CHODL: variants seen among roughly 807,000 people sequenced by gnomAD.
CHODL encodes chondrolectin.
In CHODL, 29 loss-of-function variants were observed where a neutral mutation model predicts 34.5. The ratio of observed to expected loss-of-function variants is 0.84; its 90% CI spans 0.63 to 1.15. CHODL has a LOEUF of 1.15. CHODL is among the 50% of genes most tolerant of loss of function. The pLI, the probability that CHODL is intolerant of heterozygous loss-of-function variation, is 0.00. For synonymous variants in CHODL, 125 were observed against 116.1 expected (o/e 1.08, Z -0.49); for missense variants, 332 against 332.5 (o/e 1.00, Z 0.01).
intron 1 of CHODL, among the ~76,000 whole-genome samples, chr21:17,965,552 C>T (rs972468020): frequency 3.3e-5 from 5 of 152,216 alleles, no homozygotes; most frequent in African/African-American, 1.2e-4. Flanking sequence ...TGCTCCATTA[C>T]AATAAATTGC....
chr21:17,932,568 A>G (rs2146321468), intron 1 of CHODL, among the ~76,000 whole-genome samples: 1 of 150,566 alleles, frequency 6.6e-6, no homozygotes, highest in East Asian at 2.0e-4. Context: ...AGTGTCCATC[A>G]ATGAATGATT....
intron 2 of CHODL, among the ~76,000 whole-genome samples, chr21:18,185,445 C>T (rs1311936031): frequency 6.6e-6 from 1 of 152,124 alleles, no homozygotes; most frequent in Non-Finnish European, 1.5e-5. Context: ...GGGTTGGGTC[C>T]AAGTCTTTTC....
At chr21:18,096,276 G>A (rs1411006963) in intron 2 of CHODL, among the ~76,000 whole-genome samples, 1 of 152,070 alleles carries the variant, frequency 6.6e-6, no homozygotes, top group African/African-American at 2.4e-5. Flanking sequence ...CAAATTGTTT[G>A]TAAAACGTGT....
chr21:18,178,872 T>C lies in CHODL; in HGVS notation c.-44-77637T>C, dbSNP rs549242344. ...TAGTCATGTATGTTAGAAAGTGTTG[T>C]GGTTATCAATTGTTTTTGTTACTGT... is the stretch of plus-strand genomic sequence containing the variant. On this transcript the variant is annotated intron_variant, in intron 2 of 6. Transcript: ENST00000400127. 4.5e-4 allele frequency among the ~76,000 whole-genome samples: 68 copies of C among 152,282 alleles called. No homozygotes were observed. In the Middle Eastern group the frequency reaches 0.014, roughly 30 times the overall value.
chr21:18,077,674 C>T (rs992109743), intron 2 of CHODL, among the ~76,000 whole-genome samples: 2 of 152,156 alleles, frequency 1.3e-5, no homozygotes, highest in African/African-American at 4.8e-5. Context: ...AATGTGAGGA[C>T]ACATTGAAAG....
chr21:18,164,000 C>T (rs1049455748), intron 2 of CHODL, among the ~76,000 whole-genome samples: 9 of 152,162 alleles, frequency 5.9e-5, no homozygotes, highest in African/African-American at 9.6e-5. Flanking sequence ...GGAGTTGTTT[C>T]TATTGTCTAT....
chr21:18,106,058 G>A (rs1181331687), intron 2 of CHODL, among the ~76,000 whole-genome samples: 1 of 152,188 alleles, frequency 6.6e-6, no homozygotes, highest in Non-Finnish European at 1.5e-5. Context: ...GGGCTTACCT[G>A]ATAATCATGA....
intron 1 of CHODL, among the ~76,000 whole-genome samples, chr21:18,000,036 C>G (rs1290149734): frequency 6.6e-6 from 1 of 152,168 alleles, no homozygotes; most frequent in Admixed American, 6.5e-5. Context: ...CAAAGAAATT[C>G]TCTCTCAAAT....
chr21:18,188,909 T>C (rs1177701789), intron 2 of CHODL, among the ~76,000 whole-genome samples: 1 of 152,226 alleles, frequency 6.6e-6, no homozygotes, highest in African/African-American at 2.4e-5. Context: ...ATAATTATGC[T>C]TGGCTACCAA....
intron 1 of CHODL, among the ~76,000 whole-genome samples, chr21:17,994,741 G>A (rs938634200): frequency 1.6e-4 from 25 of 152,140 alleles, no homozygotes; most frequent in Non-Finnish European, 2.9e-4. Context: ...GGTGTGTGTG[G>A]GTGCCGATGG....
At chr21:18,132,974 T>C (rs1182779230) in intron 2 of CHODL, among the ~76,000 whole-genome samples, 2 of 152,144 alleles carry the variant, frequency 1.3e-5, no homozygotes, top group Admixed American at 6.5e-5. Flanking sequence ...TCTCGAGTCT[T>C]TGAAAGCCTA....
At chr21:18,136,480 C>T (rs2072729931) in intron 2 of CHODL, among the ~76,000 whole-genome samples, 1 of 152,064 alleles carries the variant, frequency 6.6e-6, no homozygotes, top group Non-Finnish European at 1.5e-5. Context: ...GGATCATCAT[C>T]TCTCAGGTGA....
rs143989418 is a variant in CHODL, at chr21:18,181,239, A to G, written c.-44-75270A>G. Among the ~76,000 whole-genome samples the G allele has an allele frequency of 2.1e-3, 323 of 152,338 alleles. 1 individual carries two copies. The highest frequency in any genetic ancestry group is 7.5e-3 in the African/African-American group (310 of 41,584). ...TGTTCATACATTATCACATTGTGAA[A>G]GTGTTGCACTGGAATATAACTCACA... On this transcript the variant is annotated intron_variant, in intron 2 of 6. Coordinates refer to the CHODL transcript ENST00000400127.
chr21:18,127,113 G>A (rs1428681791), intron 2 of CHODL, among the ~76,000 whole-genome samples: 1 of 151,914 alleles, frequency 6.6e-6, no homozygotes, highest in African/African-American at 2.4e-5. Flanking sequence ...AGATACCAAG[G>A]GAACAGTTAA....
chr21:17,958,587 G>A (rs2063509639), intron 1 of CHODL, among the ~76,000 whole-genome samples: 1 of 152,172 alleles, frequency 6.6e-6, no homozygotes, highest in Admixed American at 6.5e-5. Context: ...CAGACACTTG[G>A]TAGGAACAGG....
intron 1 of CHODL, among the ~76,000 whole-genome samples, chr21:18,003,634 T>C (rs1264551501): frequency 1.3e-5 from 2 of 152,176 alleles, no homozygotes; most frequent in Non-Finnish European, 1.5e-5. Flanking sequence ...GCACACACAT[T>C]AGTGGCTAAG....
chr21:18,000,391 G>A (rs1444227956), intron 1 of CHODL, among the ~76,000 whole-genome samples: 1 of 152,130 alleles, frequency 6.6e-6, no homozygotes, highest in Non-Finnish European at 1.5e-5. Context: ...ACACTTTAAT[G>A]GTGTTATAAT....
chr21:18,165,238 C>G (rs934336767), intron 2 of CHODL, among the ~76,000 whole-genome samples: 1 of 152,198 alleles, frequency 6.6e-6, no homozygotes, highest in Non-Finnish European at 1.5e-5. Flanking sequence ...AAGCCATCAT[C>G]CCCTCTTGAC....
At chr21:18,258,211 T>C (rs2074339744) in intron 3 of CHODL, among the ~76,000 whole-genome samples, 1 of 152,146 alleles carries the variant, frequency 6.6e-6, no homozygotes, top group Admixed American at 6.5e-5. Context: ...GGTGAGTTTA[T>C]TCTTTAACCA....
Sources: gnomAD v4.1 joint callset for allele counts (sites outside exome capture counted in the v4.1 genomes callset) on GRCh38, gnomAD v4.1.1 for gene constraint, MANE v1.5 for transcripts, NCBI Gene and HGNC (gene_info 2026-07-23, HGNC 2026-07-21) for gene names.